The following FSTL5 variants were observed in gnomAD, a reference collection of about 807,000 sequenced individuals.
FSTL5 encodes follistatin like 5, also known as follistatin-related protein 5.
In FSTL5, 62 loss-of-function variants were observed where a neutral mutation model predicts 89.1. That is an observed-to-expected ratio of 0.70 (90% confidence interval 0.57 to 0.86). The LOEUF is 0.86. Ranked by LOEUF, FSTL5 falls within the 40% of genes least tolerant of loss-of-function variation. The probability of loss-of-function intolerance (pLI) is 0.00; values close to 1 mark genes in which losing one functional copy is unlikely to be tolerated. For missense variants in FSTL5, 1,057 were observed against 1,001.6 expected, an observed-to-expected ratio of 1.06 and a Z score of -0.75; for synonymous variants, 383 against 346.2, an observed-to-expected ratio of 1.11 and a Z score of -1.18.
At chr4:162,041,204 A>G (rs1167365479) in intron 2 of FSTL5, among the ~76,000 whole-genome samples, 2 of 7,596 alleles carry the variant, frequency 2.6e-4, no homozygotes, top group Non-Finnish European at 9.8e-4. Context: ...TGAGATGGTA[A>G]AAAAAAAAAA....
intron 7 of FSTL5, among the ~76,000 whole-genome samples, chr4:161,603,912 A>C (rs571129256): frequency 6.6e-6 from 1 of 152,302 alleles, no homozygotes; most frequent in Admixed American, 6.5e-5. Flanking sequence ...TACCTGGCTA[A>C]GGGAAATTGG....
At chr4:161,411,467 C>T (rs1731588314) in intron 15 of FSTL5, among the ~76,000 whole-genome samples, 1 of 152,022 alleles carries the variant, frequency 6.6e-6, no homozygotes. Flanking sequence ...AATCCAGTAG[C>T]ATATCAAAAA....
chr4:161,987,458 T>TTA (rs1044926948), intron 3 of FSTL5, among the ~76,000 whole-genome samples: 5 of 142,182 alleles, frequency 3.5e-5, no homozygotes, highest in African/African-American at 5.1e-5. Context: ...ACAGCTCACT[T>TTA]TATATATATA....
rs537757068 is a variant in FSTL5 at position 161,646,631 on chromosome 4, T to G, written c.894+9697A>C. ...AATCTTTTTACAAACAAAAAATTATTATGGCAAGCTGCCACACCTGCAATT... is the reference window on the plus strand; with the variant it reads ...AATCTTTTTACAAACAAAAAATTATGATGGCAAGCTGCCACACCTGCAATT... On this transcript the variant is annotated intron_variant, in intron 7 of 15. Transcript: ENST00000306100. 1.2e-3 allele frequency among the ~76,000 whole-genome samples: 181 copies of G among 152,220 alleles called. 1 individual carries two copies. Among genetic ancestry groups the G allele is most frequent in the African/African-American group, 4.3e-3 (177 of 41,576 alleles).
intron 3 of FSTL5, among the ~76,000 whole-genome samples, chr4:161,926,502 TTC>T (rs1053458181): frequency 2.0e-5 from 3 of 151,620 alleles, no homozygotes; most frequent in African/African-American, 7.3e-5. Flanking sequence ...AAATTATAAT[TTC>T]TGTTTCATGT....
intron 5 of FSTL5, among the ~76,000 whole-genome samples, chr4:161,760,335 T>C (rs1429118025): frequency 6.6e-6 from 1 of 152,210 alleles, no homozygotes; most frequent in Non-Finnish European, 1.5e-5. Context: ...CCATGGTTTT[T>C]CATACTCTCT....
intron 3 of FSTL5, among the ~76,000 whole-genome samples, chr4:162,005,522 G>A (rs1736590580): frequency 6.6e-6 from 1 of 152,128 alleles, no homozygotes; most frequent in Non-Finnish European, 1.5e-5. Context: ...GGGAAAACCA[G>A]TGAGACGGGA....
intron 4 of FSTL5, among the ~76,000 whole-genome samples, chr4:161,894,573 C>T (rs1348686718): frequency 6.6e-6 from 1 of 152,092 alleles, no homozygotes; most frequent in Non-Finnish European, 1.5e-5. Flanking sequence ...CTTCCACCTC[C>T]CAGGTTCAAG....
intron 6 of FSTL5, among the ~76,000 whole-genome samples, chr4:161,686,474 T>C (rs1737750491): frequency 6.9e-6 from 1 of 145,586 alleles, no homozygotes; most frequent in East Asian, 2.2e-4. Context: ...TTCTCCTGCC[T>C]CAGCCTCCTG....
intron 3 of FSTL5, among the ~76,000 whole-genome samples, chr4:161,960,837 A>T (rs1046344828): frequency 6.6e-6 from 1 of 152,144 alleles, no homozygotes; most frequent in Admixed American, 6.5e-5. Flanking sequence ...CCTCAAAAGG[A>T]TCAGATAGAA....
chr4:162,033,893 G>C (rs1737633389), intron 2 of FSTL5, among the ~76,000 whole-genome samples: 1 of 152,162 alleles, frequency 6.6e-6, no homozygotes, highest in Non-Finnish European at 1.5e-5. Context: ...CAACCTCGCA[G>C]ACTCAAGTGA....
intron 3 of FSTL5, among the ~76,000 whole-genome samples, chr4:161,998,395 G>T (rs1578932737): frequency 6.6e-6 from 1 of 152,068 alleles, no homozygotes; most frequent in South Asian, 2.1e-4. Flanking sequence ...GAAGGTAAGA[G>T]CCTACCTTCA....
At chr4:161,469,422 C>T (rs6839543) in intron 13 of FSTL5, among the ~76,000 whole-genome samples, 105,617 of 151,990 alleles carry the variant, frequency 0.69, 37,045 homozygotes, top group East Asian at 0.82. Flanking sequence ...TTCCCAACAA[C>T]AACGCACAAG....
intron 10 of FSTL5, among the ~76,000 whole-genome samples, chr4:161,515,447 T>G (rs1245490582): frequency 2.6e-5 from 4 of 152,084 alleles, no homozygotes; most frequent in Non-Finnish European, 4.4e-5. Flanking sequence ...CCTCAGGTGA[T>G]CCACCCACCT....
At chr4:161,568,055 G>C (rs1017520568) in intron 8 of FSTL5, among the ~76,000 whole-genome samples, 10 of 151,384 alleles carry the variant, frequency 6.6e-5, no homozygotes, top group Non-Finnish European at 1.3e-4. Flanking sequence ...AGCAGTGTTG[G>C]CTCTGTCTCC....
chr4:161,842,858 T>G (rs920063555), intron 4 of FSTL5, among the ~76,000 whole-genome samples: 1 of 152,092 alleles, frequency 6.6e-6, no homozygotes, highest in Admixed American at 6.6e-5. Flanking sequence ...TCATGAATTA[T>G]CCAAAAGAAT....
chr4:161,614,249 C>T (rs1250893773), intron 7 of FSTL5, among the ~76,000 whole-genome samples: 6 of 151,980 alleles, frequency 3.9e-5, no homozygotes, highest in Non-Finnish European at 8.8e-5. Flanking sequence ...TGTATGAATT[C>T]GGAAAAAATT....
intron 1 of FSTL5, among the ~76,000 whole-genome samples, chr4:162,153,632 A>AATAATATATGTATATTATATATGTAT (rs1173937191): frequency 1.9e-3 from 121 of 64,894 alleles, no homozygotes; most frequent in African/African-American, 4.9e-3. Context: ...ATATGTATAT[A>AATAATATATGTATATTATATATGTAT]ATAATATATG....
At chr4:162,137,049 G>GA (rs912858807) in intron 1 of FSTL5, among the ~76,000 whole-genome samples, 9 of 151,706 alleles carry the variant, frequency 5.9e-5, no homozygotes, top group African/African-American at 2.2e-4. Context: ...AAACAAAACT[G>GA]AAAAAAATGA....
Sources: allele counts gnomAD v4.1 joint callset (sites outside exome capture counted in the v4.1 genomes callset), GRCh38; gene constraint gnomAD v4.1.1; transcripts MANE v1.5; gene names NCBI Gene and HGNC (gene_info 2026-07-23, HGNC 2026-07-21).